Variants in GPATCH2 observed in about 807,000 individuals in gnomAD.
GPATCH2 encodes the protein G-patch domain containing 2.
In GPATCH2, 51 loss-of-function variants were observed where a neutral mutation model predicts 58.0. The observed-to-expected ratio is 0.88, with a 90% CI of 0.70 to 1.11. The LOEUF is 1.11. Ranked by LOEUF, GPATCH2 falls within the 50% of genes most tolerant of loss-of-function variation. GPATCH2 has a pLI of 0.00. For missense variants in GPATCH2, 625 were observed against 652.2 expected, an observed-to-expected ratio of 0.96 and a Z score of 0.45; for synonymous variants, 222 against 218.5, an observed-to-expected ratio of 1.02 and a Z score of -0.14.
intron 8 of GPATCH2, 73 bp from the exon 9 acceptor site, chr1:217,449,410 C>T: frequency 1.1e-6 from 1 of 886,976 alleles, no homozygotes; most frequent in Non-Finnish European, 1.9e-6. Context: ...CTTGTATCAT[C>T]TGAACCTAAA....
At chr1:217,457,593 T>C (rs1368412599) in intron 8 of GPATCH2, among the ~76,000 whole-genome samples, 1 of 152,172 alleles carries the variant, frequency 6.6e-6, no homozygotes, top group Non-Finnish European at 1.5e-5. Flanking sequence ...GAATGCTTAG[T>C]GTAGGGTGTC....
chr1:217,488,046 T>C (rs548455671), intron 8 of GPATCH2, among the ~76,000 whole-genome samples: 1 of 149,632 alleles, frequency 6.7e-6, no homozygotes, highest in Non-Finnish European at 1.5e-5. Context: ...AGCCTTTAAC[T>C]GTAACCTTTA....
At chr1:217,556,067 T>C (rs1401496149) in intron 5 of GPATCH2, among the ~76,000 whole-genome samples, 1 of 152,222 alleles carries the variant, frequency 6.6e-6, no homozygotes, top group Non-Finnish European at 1.5e-5. Flanking sequence ...TCTTTATAAT[T>C]TATCCAAGAA....
chr1:217,565,890 T>C (rs1158460929), intron 5 of GPATCH2, among the ~76,000 whole-genome samples: 4 of 151,684 alleles, frequency 2.6e-5, no homozygotes, highest in Non-Finnish European at 1.5e-5. Flanking sequence ...TCACCTGAGG[T>C]TGGGAGTTCG....
chr1:217,594,771 T>A (rs1489661504), intron 5 of GPATCH2, among the ~76,000 whole-genome samples: 1 of 152,192 alleles, frequency 6.6e-6, no homozygotes, highest in East Asian at 1.9e-4. Flanking sequence ...AATAAGATAA[T>A]CTAAAAAGAA....
Position 217,631,001 on chromosome 1 carries a change from C to T in GPATCH2, c.-30G>A. On this transcript the variant is annotated 5_prime_UTR_variant, in exon 1 of 10. Coordinates refer to ENST00000366935, the MANE Select transcript of GPATCH2 (RefSeq NM_018040.5). ...GACACCCGGGAGCCTGGCCTCGAAG[C>T]TCAGGCCCGTGAACAGACTCCAACT... 5 of 1,570,078 alleles carry T rather than the reference C, an allele frequency of 3.2e-6. No homozygotes were observed. The highest frequency in any genetic ancestry group is 1.3e-5 in the African/African-American group (1 of 74,216).
chr1:217,537,323 C>T (rs1470208374), intron 5 of GPATCH2, among the ~76,000 whole-genome samples: 1 of 152,050 alleles, frequency 6.6e-6, no homozygotes, highest in African/African-American at 2.4e-5. Flanking sequence ...TAATAAACTT[C>T]GTATCTGGGC....
chr1:217,608,211 T>A, intron 5 of GPATCH2: 1 of 907,904 alleles, frequency 1.1e-6, no homozygotes, highest in Non-Finnish European at 1.3e-6. Flanking sequence ...GTCAGAGATT[T>A]TATTGAAAAA....
chr1:217,610,410 C>G lies in GPATCH2; in HGVS notation c.1019-10G>C, dbSNP rs1247933117. 3.3e-6 allele frequency: 5 copies of G among 1,499,696 alleles called. No individual in the cohort carries two copies. The allele number at this position is 1,499,696 out of a possible 1,614,324, so 92.9% of individuals were successfully genotyped here. A position where few individuals can be genotyped will look rare whatever the true frequency, so the allele number is the denominator to read the frequency against. The stretch of plus-strand genomic sequence containing the variant: ...AGTCTAGCTTGGAAACCTGTAAAAT[C>G]AAAGTACTCAATTTAGAAGTTTTCT... On this transcript the variant is annotated splice_polypyrimidine_tract_variant and intron_variant, in intron 4 of 9. Transcript: ENST00000366935.
At chr1:217,613,048 A>G (rs1037026623) in intron 3 of GPATCH2, among the ~76,000 whole-genome samples, 2 of 151,846 alleles carry the variant, frequency 1.3e-5, no homozygotes, top group African/African-American at 4.8e-5. Flanking sequence ...ATTTCATTTT[A>G]TTTCATAACC....
chr1:217,457,188 G>C (rs1409093673), intron 8 of GPATCH2, among the ~76,000 whole-genome samples: 2 of 152,198 alleles, frequency 1.3e-5, no homozygotes, highest in Non-Finnish European at 1.5e-5. Flanking sequence ...GCTTTAGGTT[G>C]CATTGGTTTG....
intron 3 of GPATCH2, among the ~76,000 whole-genome samples, chr1:217,612,438 T>G (rs1015810911): frequency 6.6e-6 from 1 of 152,168 alleles, no homozygotes; most frequent in South Asian, 2.1e-4. Flanking sequence ...AATTATTTTA[T>G]GAGAAATAGC....
intron 5 of GPATCH2, among the ~76,000 whole-genome samples, chr1:217,606,445 G>A (rs1315259370): frequency 6.6e-6 from 1 of 152,024 alleles, no homozygotes; most frequent in African/African-American, 2.4e-5. Context: ...AATATTAAAT[G>A]TAAAGGCAAA....
chr1:217,484,214 G>T (rs1391252891), intron 8 of GPATCH2, among the ~76,000 whole-genome samples: 2 of 152,116 alleles, frequency 1.3e-5, no homozygotes, highest in Non-Finnish European at 2.9e-5. Flanking sequence ...AAATGTGGGT[G>T]AGCCTCTTCT....
At chr1:217,584,526 C>T (rs1405507702) in intron 5 of GPATCH2, among the ~76,000 whole-genome samples, 1 of 151,244 alleles carries the variant, frequency 6.6e-6, no homozygotes, top group Admixed American at 6.6e-5. Flanking sequence ...GAGACTCCAT[C>T]TCAAAGAAAA....
At chr1:217,628,937 G>T (rs1026767043) in intron 1 of GPATCH2, among the ~76,000 whole-genome samples, 1 of 152,016 alleles carries the variant, frequency 6.6e-6, no homozygotes, top group Non-Finnish European at 1.5e-5. Flanking sequence ...TTTTGGGGGG[G>T]TATACTGGAA....
At position 217,431,293 on chromosome 1, in the gene GPATCH2, C is replaced by T; in HGVS notation, c.1439G>A (p.Trp480Ter). 1 of 1,607,712 alleles carries T rather than the reference C, an allele frequency of 6.2e-7. No homozygotes were observed. The highest frequency in any genetic ancestry group is 8.5e-7 in the Non-Finnish European group (1 of 1,174,136). ...IGNRMLQNMG[W>*]TPGSGLGRDG... is the part of the protein sequence containing the mutation. Reference sequence around the variant, plus strand: ...TCGTCCAAGGCCTGACCCAGGCGTCCAGCCCATATTCTGAAGCATTCGGTT... The same window carrying T: ...TCGTCCAAGGCCTGACCCAGGCGTCTAGCCCATATTCTGAAGCATTCGGTT... The change falls in exon 10 of 10, where the codon TGG becomes TAG. Residue 480 changes from tryptophan to a stop codon, truncating the protein, a stop_gained. Coordinates refer to ENST00000366935, the MANE Select transcript of GPATCH2 (RefSeq NM_018040.5). LOFTEE classifies it high-confidence loss of function.
intron 5 of GPATCH2, among the ~76,000 whole-genome samples, chr1:217,564,545 T>C (rs1432266457): frequency 1.3e-5 from 2 of 152,212 alleles, no homozygotes; most frequent in Admixed American, 1.3e-4. Flanking sequence ...AGTCAAGGCT[T>C]ACCTTCCAGC....
chr1:217,440,299 T>C (rs1412248534), intron 9 of GPATCH2, among the ~76,000 whole-genome samples: 1 of 152,072 alleles, frequency 6.6e-6, no homozygotes. Flanking sequence ...AAGCCTTTGA[T>C]AAAATTCAAT....
Sources: allele counts gnomAD v4.1 joint callset (sites outside exome capture counted in the v4.1 genomes callset), GRCh38; gene constraint gnomAD v4.1.1; transcripts MANE v1.5; gene names NCBI Gene and HGNC (gene_info 2026-07-23, HGNC 2026-07-21).